SEL1L2: variants seen among roughly 807,000 people sequenced by gnomAD.
SEL1L2 encodes SEL1L2 adaptor subunit of SYVN1 ubiquitin ligase, also known as protein sel-1 homolog 2.
Under a neutral mutation model 98.8 loss-of-function variants are expected in SEL1L2, and 89 were observed. The ratio of observed to expected loss-of-function variants is 0.90; its 90% CI spans 0.76 to 1.07. SEL1L2 has a LOEUF of 1.07. Among genes scored for constraint, SEL1L2 ranks in the 50% least tolerant of loss-of-function variants. SEL1L2 has a pLI of 0.00. For missense variants in SEL1L2, 788 were observed against 812.0 expected (o/e 0.97, Z 0.36); for synonymous variants, 262 against 278.5 (o/e 0.94, Z 0.59).
At chr20:13,900,688 A>G (rs2047632422) in intron 5 of SEL1L2, among the ~76,000 whole-genome samples, 1 of 152,192 alleles carries the variant, frequency 6.6e-6, no homozygotes, top group Non-Finnish European at 1.5e-5. Flanking sequence ...TCTACACGCA[A>G]TGATTCAGCT....
chr20:13,934,747 C>T (rs2049370231), intron 2 of SEL1L2, among the ~76,000 whole-genome samples: 1 of 151,368 alleles, frequency 6.6e-6, no homozygotes, highest in African/African-American at 2.4e-5. Flanking sequence ...AGAAGTGTTC[C>T]CTTTTCACCA....
intron 5 of SEL1L2, among the ~76,000 whole-genome samples, chr20:13,910,891 T>C (rs948657580): frequency 2.6e-5 from 4 of 152,218 alleles, no homozygotes; most frequent in Non-Finnish European, 1.5e-5. Context: ...TTAGATGCAA[T>C]AACCACGTTA....
At chr20:13,921,391 C>T (rs1160792364) in intron 3 of SEL1L2, among the ~76,000 whole-genome samples, 1 of 152,098 alleles carries the variant, frequency 6.6e-6, no homozygotes, top group African/African-American at 2.4e-5. Flanking sequence ...TGGCTGGCCT[C>T]GAGCTCCTGA....
intron 19 of SEL1L2, 166 bp downstream of exon 19, chr20:13,850,025 T>C: frequency 1.4e-6 from 1 of 693,434 alleles, no homozygotes; most frequent in Middle Eastern, 3.4e-4. Flanking sequence ...ACATACTCAA[T>C]AGAACATGCA....
chr20:13,919,135 C>T lies in SEL1L2; in HGVS notation c.284-12G>A, dbSNP rs1302309343. ...TGCTTGCTTTTGTACTATACATGAA[C>T]AAACAAAAAATAAAAACAATATTAC... On this transcript the variant is annotated splice_polypyrimidine_tract_variant and intron_variant, in intron 3 of 19. Coordinates refer to ENST00000284951, the MANE Select transcript of SEL1L2 (RefSeq NM_025229.2). The T allele has an allele frequency of 1.4e-6, 2 of 1,467,818 alleles. No homozygotes were observed. The highest frequency in any genetic ancestry group is 1.9e-6 in the Non-Finnish European group (2 of 1,064,180). The allele number at this position is 1,467,818 out of a possible 1,614,324, so 90.9% of individuals were successfully genotyped here.
chr20:13,987,316 T>G (rs1333338953), intron 1 of SEL1L2, among the ~76,000 whole-genome samples: 2 of 30,764 alleles, frequency 6.5e-5, no homozygotes, highest in Non-Finnish European at 1.7e-4. Flanking sequence ...TTACTGTTTT[T>G]TTTTTTTTTT....
intron 1 of SEL1L2, among the ~76,000 whole-genome samples, chr20:13,990,055 T>G (rs1258403454): frequency 6.6e-6 from 1 of 152,242 alleles, no homozygotes; most frequent in African/African-American, 2.4e-5. Flanking sequence ...AGTGAAATTG[T>G]TATTGTGTAA....
chr20:13,916,032 T>C (rs2148205595), intron 4 of SEL1L2, among the ~76,000 whole-genome samples: 1 of 152,284 alleles, frequency 6.6e-6, no homozygotes, highest in Middle Eastern at 3.4e-3. Flanking sequence ...CCACTCTAGC[T>C]GTCAGTGAGG....
intron 1 of SEL1L2, among the ~76,000 whole-genome samples, chr20:13,982,443 C>A (rs1218591119): frequency 7.0e-6 from 1 of 142,196 alleles, no homozygotes; most frequent in Non-Finnish European, 1.5e-5. Flanking sequence ...CCTGGGAAGT[C>A]GAGCCTATAG....
Position 13,979,087 on chromosome 20 carries a change from A to ATT in SEL1L2, c.58+11389_58+11390insAA, listed in dbSNP as rs1454166584. Among the ~76,000 whole-genome samples, 737 of 152,288 alleles carry ATT rather than the reference A, an allele frequency of 4.8e-3. 5 individuals are homozygous for ATT. The highest frequency in any genetic ancestry group is 0.017 in the African/African-American group (692 of 41,574). On this transcript the variant is annotated intron_variant, in intron 1 of 19. Transcript: ENST00000284951. ...AAGAAAAAAGAGAAAAGAAAAAAAG[A>ATT]ATGTAATCGTCATTTTTGCAACATG...
chr20:13,995,073 G>T (rs2052609467), upstream of SEL1L2: 1 of 153,186 alleles, frequency 6.5e-6, no homozygotes, highest in Admixed American at 6.5e-5. The surrounding 1 kb of genome is among the most constrained non-coding windows in gnomAD (Gnocchi z 4.3). Flanking sequence ...CGGACAATTC[G>T]TGTTGACCCT....
chr20:13,931,545 T>G, intron 3 of SEL1L2, 58 bp downstream of exon 3: 1 of 1,052,304 alleles, frequency 9.5e-7, no homozygotes, highest in South Asian at 2.4e-5. Context: ...CTCTAAAATT[T>G]GATTTTATAT....
chr20:13,905,664 T>G (rs1209845829), intron 5 of SEL1L2, among the ~76,000 whole-genome samples: 1 of 152,080 alleles, frequency 6.6e-6, no homozygotes, highest in Non-Finnish European at 1.5e-5. Flanking sequence ...TTTACAATAG[T>G]CCATTTTTAG....
At position 13,978,945 on chromosome 20, in the gene SEL1L2, G is replaced by A. The variant is rs978101870; in HGVS notation, c.58+11532C>T. Among the ~76,000 whole-genome samples the A allele has an allele frequency of 2.6e-5, 4 of 152,000 alleles. 1 individual carries two copies. The highest frequency in any genetic ancestry group is 4.2e-4 in the South Asian group (2 of 4,816). On this transcript the variant is annotated intron_variant, in intron 1 of 19. Coordinates refer to ENST00000284951, the MANE Select transcript of SEL1L2 (RefSeq NM_025229.2). Reference sequence around the variant, plus strand: ...ATGATCGTGCACGCCTGTAATTTCCGGTCACTTGGGAGGCTGAGGCACAAG... The same window carrying A: ...ATGATCGTGCACGCCTGTAATTTCCAGTCACTTGGGAGGCTGAGGCACAAG...
Position 13,849,437 on chromosome 20 carries a change from C to G in SEL1L2, c.*48G>C, listed in dbSNP as rs1987838876. ...GAAACTGTTTATTTAGTGGGGATAC[C>G]TTGGAGTGAACTGATTCCCGTGAGC... On this transcript the variant is annotated 3_prime_UTR_variant, in exon 20 of 20. Transcript: ENST00000284951. The G allele has an allele frequency of 6.2e-7, 1 of 1,604,286 alleles. No individual in the cohort carries two copies. Among genetic ancestry groups the G allele is most frequent in the East Asian group, 2.2e-5 (1 of 44,820 alleles).
At chr20:13,880,627 T>C (rs1220568556) in intron 10 of SEL1L2, among the ~76,000 whole-genome samples, 3 of 152,012 alleles carry the variant, frequency 2.0e-5, no homozygotes, top group African/African-American at 7.2e-5. Context: ...CATCCATCCA[T>C]CCATCCATCC....
rs375138032 is a variant in SEL1L2 at position 13,886,458 on chromosome 20, A to T, written c.746-16T>A. 5.0e-5 allele frequency: 81 copies of T among 1,611,054 alleles called. No individual in the cohort carries two copies. The East Asian group carries it at 1.0e-3, about 20-fold the overall frequency. ...GTGTCAGCAACTGTGAATAAAAACAAGCCAGAGAATAGCTAGAAAACAGAG... is the reference window on the plus strand; with the variant it reads ...GTGTCAGCAACTGTGAATAAAAACATGCCAGAGAATAGCTAGAAAACAGAG... On this transcript the variant is annotated splice_polypyrimidine_tract_variant and intron_variant, in intron 8 of 19. Coordinates refer to ENST00000284951, the MANE Select transcript of SEL1L2 (RefSeq NM_025229.2).
intron 8 of SEL1L2, 76 bp from the exon 9 acceptor site, chr20:13,886,518 C>A: frequency 1.7e-6 from 2 of 1,172,014 alleles, no homozygotes; most frequent in African/African-American, 1.5e-5. Context: ...AGAGAAAACA[C>A]CGTTAGCTTA....
intron 13 of SEL1L2, 39 bp from the exon 14 acceptor site, chr20:13,869,629 T>A: frequency 6.7e-7 from 1 of 1,503,126 alleles, no homozygotes; most frequent in Non-Finnish European, 9.3e-7. Flanking sequence ...AAGGCACAAG[T>A]AAAACTCCAT....
Sources: allele counts gnomAD v4.1 joint callset (sites outside exome capture counted in the v4.1 genomes callset), GRCh38; gene constraint gnomAD v4.1.1; non-coding constraint Gnocchi (gnomAD v3.1); transcripts MANE v1.5; gene names NCBI Gene and HGNC (gene_info 2026-07-23, HGNC 2026-07-21).